Variants in ZFHX2 observed in about 807,000 individuals in gnomAD.
The protein encoded by ZFHX2 is zinc finger homeobox protein 2.
A neutral mutation model predicts 164.8 loss-of-function variants in ZFHX2; 75 were observed. The ratio of observed to expected loss-of-function variants is 0.46; its 90% CI spans 0.38 to 0.55. ZFHX2 has a LOEUF of 0.55. Ranked by LOEUF, ZFHX2 falls within the 20% of genes least tolerant of loss-of-function variation. The pLI is 0.00. For missense variants in ZFHX2, 2,933 were observed against 3,308.0 expected, an observed-to-expected ratio of 0.89 and a Z score of 2.78; for synonymous variants, 1,217 against 1,351.4, an observed-to-expected ratio of 0.90 and a Z score of 2.18.
Position 23,523,023 on chromosome 14 carries a change from C to T in ZFHX2, c.6740-82G>A. On this transcript the variant is annotated intron_variant, in intron 9 of 9. Transcript: ENST00000419474. This position sits in a 1 kb window ranked among gnomAD's most constrained non-coding sequence, Gnocchi z 4.1. ...CTGCCATAGGCCACCTCCAGCCACA[C>T]ACACCCGTTCCCAGCACCGGATTTC... is the stretch of plus-strand genomic sequence containing the variant. 2.8e-6 allele frequency: 4 copies of T among 1,416,558 alleles called. No individual in the cohort carries two copies. Among genetic ancestry groups the T allele is most frequent in the Non-Finnish European group, 2.8e-6 (3 of 1,090,028 alleles). The allele number at this position is 1,416,558 out of a possible 1,614,324, so 87.7% of individuals were successfully genotyped here. A position where few individuals can be genotyped will look rare whatever the true frequency, so the allele number is the denominator to read the frequency against.
rs552258401 is a variant in ZFHX2 at position 23,531,653 on chromosome 14, C to T, written c.2628G>A (p.Ala876=). The T allele has an allele frequency of 2.8e-5, 43 of 1,510,184 alleles. No individual in the cohort carries two copies. The highest frequency in any genetic ancestry group is 1.7e-4 in the East Asian group (7 of 40,088). The allele number at this position is 1,510,184 out of a possible 1,614,324, so 93.5% of individuals were successfully genotyped here. A position where few individuals can be genotyped will look rare whatever the true frequency, so the allele number is the denominator to read the frequency against. ...ELGLYHCLLC[A]WETPSRLAVL... ...CAGCCAAGCGGGAGGGTGTCTCCCA[C>T]GCACACAACAGGCAGTGGTATAGCC... The change falls in exon 4 of 10, where the codon GCG becomes GCA. Residue 876 remains alanine (A), a synonymous_variant. Transcript: ENST00000419474.
Position 23,534,197 on chromosome 14 carries a change from C to A in ZFHX2, c.1129G>T (p.Glu377Ter). Residue 377 changes from glutamate (E) to a stop codon, truncating the protein, a stop_gained, in exon 2 of 10, where the codon GAG becomes TAG. Coordinates refer to ENST00000419474, the MANE Select transcript of ZFHX2 (RefSeq NM_033400.3). LOFTEE classifies it high-confidence loss of function. The surrounding 1 kb of genome is among the most constrained non-coding windows in gnomAD (Gnocchi z 4.5). Reference protein sequence around the residue: ...AGEAGPDWFPEGQEEDGGLCP... With the variant: ...AGEAGPDWFP ...AGCCCTCCATCCTCTTCTTGCCCCT[C>A]AGGGAACCAATCTGGCCCTGCCTCG... 1 of 1,484,578 alleles carries A rather than the reference C, an allele frequency of 6.7e-7. No homozygotes were observed. The highest frequency in any genetic ancestry group is 1.3e-5 in the South Asian group (1 of 74,894). The allele number at this position is 1,484,578 out of a possible 1,614,324, so 92.0% of individuals were successfully genotyped here.
chr14:23,537,824 C>T lies in ZFHX2; in HGVS notation c.-49-2450G>A, dbSNP rs550489988. 5.3e-5 allele frequency among the ~76,000 whole-genome samples: 8 copies of T among 152,256 alleles called. No individual in the cohort carries two copies. The East Asian group carries it at 5.8e-4, about 11-fold the overall frequency. ...GGTTTGTGAGGGTCTGTTATTCCAT[C>T]GTCACCCACAGGGTGGGCCACACCG... On this transcript the variant is annotated intron_variant, in intron 1 of 9. Coordinates refer to ENST00000419474, the MANE Select transcript of ZFHX2 (RefSeq NM_033400.3).
rs569726576 is a variant in ZFHX2 at position 23,529,980 on chromosome 14, C to A, written c.2875+140G>T. On this transcript the variant is annotated intron_variant, in intron 5 of 9. Transcript: ENST00000419474. ...AAGTGCCTAGCCTCTCGTGGCTCAGCCTCCCTTCCCCCTGATGAGCCCTTT... is the reference window on the plus strand; with the variant it reads ...AAGTGCCTAGCCTCTCGTGGCTCAGACTCCCTTCCCCCTGATGAGCCCTTT... 8.7e-5 allele frequency: 89 copies of A among 1,022,808 alleles called. No homozygotes were observed. The Middle Eastern group carries it at 1.2e-3, about 13-fold the overall frequency. 63.4% of individuals were successfully genotyped at this position (1,022,808 alleles called of 1,614,324 possible).
chr14:23,548,851 C>T (rs1358552264), intron 1 of ZFHX2, among the ~76,000 whole-genome samples: 2 of 152,164 alleles, frequency 1.3e-5, no homozygotes, highest in East Asian at 3.9e-4. Flanking sequence ...CCCCCCGGCG[C>T]CCCCGCAGTG....
intron 1 of ZFHX2, among the ~76,000 whole-genome samples, chr14:23,545,339 G>GTCCGCCC (rs1460653196): frequency 2.6e-5 from 4 of 152,102 alleles, no homozygotes; most frequent in Admixed American, 2.6e-4. Flanking sequence ...ACAACCACTC[G>GTCCGCCC]TCCGCCCTCC....
At position 23,532,961 on chromosome 14, in the gene ZFHX2, AG is replaced by A; in HGVS notation, c.2164del (p.Leu722Ter). 1 of 1,536,186 alleles carries A rather than the reference AG, an allele frequency of 6.5e-7. No homozygotes were observed. Among genetic ancestry groups the A allele is most frequent in the Non-Finnish European group, 8.7e-7 (1 of 1,146,902 alleles). ...GTCTGTGCTGAAGGCCTGGCACACT[AG>A]GCAGCGGAACACCTTCAGGGACAGG... ...DSLSLKVFRC[L>X]VCQAFSTDSL... is the part of the protein sequence containing the mutation. On this transcript the variant is annotated frameshift_variant, in exon 3 of 10. Transcript: ENST00000419474. LOFTEE classifies it high-confidence loss of function.
At position 23,526,860 on chromosome 14, in the gene ZFHX2, T is replaced by G. The variant is rs1295464546; in HGVS notation, c.3249A>C (p.Arg1083Ser). The G allele has an allele frequency of 6.5e-7, 1 of 1,531,106 alleles. No homozygotes were observed. The allele number at this position is 1,531,106 out of a possible 1,614,324, so 94.8% of individuals were successfully genotyped here. ...TCCATTCCTTACCTGCTGCCTGGTC[T>G]CTGCTCGGTGTAGGCTCTGGCCCAT... ...PTHGPEPTPSRDQAAEGPNLT... is the reference protein window; with the variant it reads ...PTHGPEPTPSSDQAAEGPNLT... Residue 1083 changes from arginine (R) to serine (S), a missense_variant, in exon 8 of 10, where the codon AGA becomes AGC. Coordinates refer to ENST00000419474, the MANE Select transcript of ZFHX2 (RefSeq NM_033400.3).
chr14:23,537,399 G>A (rs183113554), intron 1 of ZFHX2, among the ~76,000 whole-genome samples: 2 of 152,142 alleles, frequency 1.3e-5, no homozygotes, highest in East Asian at 1.9e-4. Context: ...AGAGTGCTTC[G>A]TGTAAGGGGC....
At chr14:23,549,896 A>G (rs1353814530) in intron 1 of ZFHX2, among the ~76,000 whole-genome samples, 2 of 152,224 alleles carry the variant, frequency 1.3e-5, no homozygotes, top group African/African-American at 4.8e-5. Context: ...AGGAAAAGGG[A>G]TAAAAGAAAC....
At position 23,522,576 on chromosome 14, in the gene ZFHX2, C is replaced by T; in HGVS notation, c.7105G>A (p.Ala2369Thr). 6.6e-7 allele frequency: 1 copy of T among 1,526,668 alleles called. No homozygotes were observed. The highest frequency in any genetic ancestry group is 8.8e-7 in the Non-Finnish European group (1 of 1,141,488). 94.6% of individuals were successfully genotyped at this position (1,526,668 alleles called of 1,614,324 possible). ...PAVFGPQLQG[A>T]YFQQLYGMKK... ...ATGCCATAGAGCTGTTGGAAGTAGG[C>T]CCCCTGTAGCTGGGGGCCAAAGACA... The change falls in exon 10 of 10, where the codon GCC becomes ACC. Residue 2369 changes from alanine (A) to threonine (T), a missense_variant. Coordinates refer to ENST00000419474, the MANE Select transcript of ZFHX2 (RefSeq NM_033400.3).
Position 23,533,902 on chromosome 14 carries a change from T to A in ZFHX2, c.1424A>T (p.Lys475Met). 1 of 1,538,028 alleles carries A rather than the reference T, an allele frequency of 6.5e-7. No individual in the cohort carries two copies. The highest frequency in any genetic ancestry group is 8.7e-7 in the Non-Finnish European group (1 of 1,147,168). Residue 475 changes from lysine to methionine, a missense_variant, in exon 2 of 10, where the codon AAG (lysine) becomes ATG (methionine). Physicochemically the swap from Lys to Met is moderately conservative, Grantham distance 95. Transcript: ENST00000419474. This position sits in a 1 kb window ranked among gnomAD's most constrained non-coding sequence, Gnocchi z 4.8. ...GCAGTGACTGTTGCTCTCAGGGTGC[T>A]TCTCTCGCATGTGCACATCCAGGGT... Reference protein sequence around the residue: ...QQTLDVHMREKHPESNSHCSY... With the variant: ...QQTLDVHMREMHPESNSHCSY...
chr14:23,525,172 C>A lies in ZFHX2; in HGVS notation c.4770G>T (p.Leu1590=), dbSNP rs1202987802. 7 of 1,536,012 alleles carry A rather than the reference C, an allele frequency of 4.6e-6. No homozygotes were observed. The highest frequency in any genetic ancestry group is 6.1e-6 in the Non-Finnish European group (7 of 1,146,922). The change falls in exon 9 of 10, where the codon CTG becomes CTT. Residue 1590 remains leucine, a synonymous_variant. Transcript: ENST00000419474. This position sits in a 1 kb window ranked among gnomAD's most constrained non-coding sequence, Gnocchi z 5.9. ...EESSRGNLPP[L]VPAGRRFSRT... ...TGGAGAACCGGCGGCCGGCAGGCAC[C>A]AGGGGAGGAAGATTCCCTCTGGAGC...
upstream of ZFHX2, among the ~76,000 whole-genome samples, chr14:23,555,219 G>A (rs1595209281): frequency 6.6e-6 from 1 of 152,154 alleles, no homozygotes; most frequent in Admixed American, 6.5e-5. Context: ...GGCTGGTCTC[G>A]AACTCCTGAC....
In ZFHX2 at chr14:23,534,561, G is replaced by A; in HGVS notation, c.765C>T (p.His255=). The change falls in exon 2 of 10, where the codon CAC becomes CAT. Residue 255 remains histidine, a synonymous_variant. Coordinates refer to ENST00000419474, the MANE Select transcript of ZFHX2 (RefSeq NM_033400.3). The surrounding 1 kb of genome is among the most constrained non-coding windows in gnomAD (Gnocchi z 4.5). ...GFSKPQAFMD[H]TQSHGVKLTP... is the part of the protein sequence containing the mutation. ...TTAGCTTCACCCCATGAGACTGTGTGTGATCCATAAAGGCCTGGGGCTTGC... is the reference window on the plus strand; with the variant it reads ...TTAGCTTCACCCCATGAGACTGTGTATGATCCATAAAGGCCTGGGGCTTGC... The A allele has an allele frequency of 6.5e-7, 1 of 1,536,140 alleles. No individual in the cohort carries two copies. Among genetic ancestry groups the A allele is most frequent in the Non-Finnish European group, 8.7e-7 (1 of 1,146,920 alleles).
chr14:23,525,103 G>T lies in ZFHX2; in HGVS notation c.4839C>A (p.Phe1613Leu). The change falls in exon 9 of 10, where the codon TTC (phenylalanine) becomes TTA (leucine). Residue 1613 changes from phenylalanine (F) to leucine (L), a missense_variant. Transcript: ENST00000419474. This position sits in a 1 kb window ranked among gnomAD's most constrained non-coding sequence, Gnocchi z 5.9. Reference protein sequence around the residue: ...TEFQTQALQSFFETSAYPKDG... With the variant: ...TEFQTQALQSLFETSAYPKDG... Reference sequence around the variant, plus strand: ...CTTTGGGGTAGGCGCTAGTCTCAAAGAAAGACTGCAGGGCTTGGGTCTGGA... The same window carrying T: ...CTTTGGGGTAGGCGCTAGTCTCAAATAAAGACTGCAGGGCTTGGGTCTGGA... The T allele has an allele frequency of 6.5e-7, 1 of 1,536,196 alleles. No individual in the cohort carries two copies. The highest frequency in any genetic ancestry group is 8.7e-7 in the Non-Finnish European group (1 of 1,146,926).
intron 1 of ZFHX2, among the ~76,000 whole-genome samples, chr14:23,548,873 TTC>T (rs953230132): frequency 3.3e-5 from 5 of 152,220 alleles, no homozygotes; most frequent in Admixed American, 3.3e-4. Context: ...TCTCGCTCTC[TTC>T]GCATCAGTCA....
At chr14:23,554,150 G>A (rs575577690), upstream of ZFHX2, among the ~76,000 whole-genome samples, 5 of 151,970 alleles carry the variant, frequency 3.3e-5, no homozygotes, top group Admixed American at 6.5e-5. Flanking sequence ...GTCTGGCTCC[G>A]GAAACTGGTC....
chr14:23,543,954 T>C (rs1265797960), intron 1 of ZFHX2: 1 of 152,048 alleles, frequency 6.6e-6, no homozygotes, highest in African/African-American at 2.4e-5. Context: ...CTCAATTTAG[T>C]CTCTTCATAT....
Sources: allele counts gnomAD v4.1 joint callset (sites outside exome capture counted in the v4.1 genomes callset), GRCh38; gene constraint gnomAD v4.1.1; non-coding constraint Gnocchi (gnomAD v3.1); transcripts MANE v1.5; gene names NCBI Gene and HGNC (gene_info 2026-07-23, HGNC 2026-07-21).